The following SLC6A15 variants were observed in gnomAD, a reference collection of about 807,000 sequenced individuals.
SLC6A15 encodes sodium-dependent neutral amino acid transporter B(0)AT2.
SLC6A15 carries 33 observed loss-of-function variants against 68.5 expected under a neutral mutation model. That is an observed-to-expected ratio of 0.48 (90% CI 0.37 to 0.64). The LOEUF is 0.64. SLC6A15 is among the 30% of genes least tolerant of loss of function. The pLI is 0.00. For missense variants in SLC6A15, 747 were observed against 874.3 expected (o/e 0.85, Z 1.84); for synonymous variants, 347 against 301.0 (o/e 1.15, Z -1.58).
Position 84,863,520 on chromosome 12 carries a change from T to C in SLC6A15, c.1737A>G (p.Leu579=), listed in dbSNP as rs1870938422. 6.3e-7 allele frequency: 1 copy of C among 1,595,250 alleles called. No homozygotes were observed. Among genetic ancestry groups the C allele is most frequent in the African/African-American group, 1.4e-5 (1 of 73,690 alleles). ...YYYMWKYISP[L]MLLSLLIASV... is the part of the protein sequence containing the mutation. ...TAGCTATTAGCAATGATAATAGCAT[T>C]AGAGGAGAAATATATTTCCACATAT... Residue 579 remains leucine, a synonymous_variant, in exon 11 of 12, where the codon CTA becomes CTG. Coordinates refer to ENST00000266682, the MANE Select transcript of SLC6A15 (RefSeq NM_182767.6).
At chr12:84,866,967 G>T (rs1871091544) in intron 10 of SLC6A15, 67 bp downstream of exon 10, 5 of 1,305,426 alleles carry the variant, frequency 3.8e-6, no homozygotes, top group Non-Finnish European at 5.2e-6. Flanking sequence ...TAAATGAAAT[G>T]AACATTGATA....
At chr12:84,872,827 TAA>T (rs752022325) in intron 7 of SLC6A15, 33 bp from the exon 8 acceptor site, 13 of 1,529,958 alleles carry the variant, frequency 8.5e-6, no homozygotes, top group Non-Finnish European at 1.2e-5. Context: ...AATGAGCACA[TAA>T]GAGTTCTTTG....
chr12:84,890,962 ATAT>A (rs1872362079), intron 2 of SLC6A15, among the ~76,000 whole-genome samples: 2 of 152,182 alleles, frequency 1.3e-5, no homozygotes, highest in South Asian at 4.1e-4. Context: ...ATAAATAATA[ATAT>A]TTCATATACA....
At chr12:84,883,732 A>C (rs1423413018) in intron 5 of SLC6A15, 127 bp downstream of exon 5, 2 of 1,599,990 alleles carry the variant, frequency 1.3e-6, no homozygotes, top group Non-Finnish European at 1.7e-6. Flanking sequence ...ACTTTTCACT[A>C]ATATTTAACT....
At chr12:84,877,367 C>A (rs914596811) in intron 5 of SLC6A15, among the ~76,000 whole-genome samples, 4 of 152,254 alleles carry the variant, frequency 2.6e-5, no homozygotes, top group East Asian at 3.9e-4. Context: ...ATAATATTCT[C>A]CTAACTGAAT....
chr12:84,908,312 A>T (rs61929983), intron 1 of SLC6A15, among the ~76,000 whole-genome samples: 152,058 of 152,058 alleles, frequency 1, 76,029 homozygotes, highest in Non-Finnish European at 1. Flanking sequence ...GTATAATTAA[A>T]TAACTTTATT....
chr12:84,892,135 A>G lies in SLC6A15; in HGVS notation c.-15T>C. 1 of 1,469,812 alleles carries G rather than the reference A, an allele frequency of 6.8e-7. No individual in the cohort carries two copies. Among genetic ancestry groups the G allele is most frequent in the Non-Finnish European group, 9.0e-7 (1 of 1,111,560 alleles). 91.0% of individuals were successfully genotyped at this position (1,469,812 alleles called of 1,614,324 possible). On this transcript the variant is annotated 5_prime_UTR_variant, in exon 2 of 12. Transcript: ENST00000266682. ...TTTTTGGGCATTGGAGAGTATGCGA[A>G]GTATTTAAAAAAAAAAAAAAAAACT...
intron 1 of SLC6A15, among the ~76,000 whole-genome samples, chr12:84,906,763 A>G (rs1409539815): frequency 6.6e-6 from 1 of 152,228 alleles, no homozygotes; most frequent in African/African-American, 2.4e-5. Context: ...TAAATCTCAT[A>G]TCTTATACAA....
At chr12:84,908,906 T>TA (rs539261591) in intron 1 of SLC6A15, among the ~76,000 whole-genome samples, 288 of 152,190 alleles carry the variant, frequency 1.9e-3, no homozygotes, top group African/African-American at 6.7e-3. Context: ...TAGCTTCATT[T>TA]AAAAAACTAC....
chr12:84,907,739 A>G (rs1873234707), intron 1 of SLC6A15, among the ~76,000 whole-genome samples: 1 of 152,218 alleles, frequency 6.6e-6, no homozygotes, highest in South Asian at 2.1e-4. Context: ...AGAAAAGCCT[A>G]TGCAGGAATG....
At chr12:84,906,067 A>G (rs961922134) in intron 1 of SLC6A15, among the ~76,000 whole-genome samples, 6 of 152,230 alleles carry the variant, frequency 3.9e-5, no homozygotes, top group Admixed American at 1.3e-4. Context: ...TGAATCTACA[A>G]AAATACCTTC....
At chr12:84,875,814 A>G (rs1871510913) in intron 6 of SLC6A15, among the ~76,000 whole-genome samples, 1 of 150,744 alleles carries the variant, frequency 6.6e-6, no homozygotes, top group Non-Finnish European at 1.5e-5. Flanking sequence ...ACAAAGTTGC[A>G]TGATGGATTA....
chr12:84,888,856 T>C (rs1272973795), intron 2 of SLC6A15, among the ~76,000 whole-genome samples: 1 of 152,188 alleles, frequency 6.6e-6, no homozygotes, highest in Admixed American at 6.5e-5. Context: ...CTTCCTGGCC[T>C]TTTTCTTTAC....
chr12:84,911,171 C>T (rs1229239732), intron 1 of SLC6A15, among the ~76,000 whole-genome samples: 1 of 152,148 alleles, frequency 6.6e-6, no homozygotes, highest in Admixed American at 6.5e-5. Flanking sequence ...AAAACAAACA[C>T]TTTGTTGCTG....
chr12:84,907,010 T>G (rs578259704), intron 1 of SLC6A15, among the ~76,000 whole-genome samples: 20 of 152,084 alleles, frequency 1.3e-4, no homozygotes, highest in Non-Finnish European at 2.1e-4. Context: ...AGAATATATT[T>G]GAAGGTCACA....
At chr12:84,909,527 T>C (rs958758869) in intron 1 of SLC6A15, among the ~76,000 whole-genome samples, 2 of 152,162 alleles carry the variant, frequency 1.3e-5, no homozygotes, top group Non-Finnish European at 2.9e-5. Context: ...ATAAGCAAAG[T>C]AGAAATAAAT....
intron 4 of SLC6A15, among the ~76,000 whole-genome samples, chr12:84,884,284 T>A (rs1330690329): frequency 6.6e-6 from 1 of 152,042 alleles, no homozygotes; most frequent in Non-Finnish European, 1.5e-5. Context: ...TCAAAGTAAT[T>A]TTTATTTATT....
intron 2 of SLC6A15, among the ~76,000 whole-genome samples, chr12:84,888,766 A>C (rs1872241018): frequency 2.6e-5 from 4 of 152,160 alleles, no homozygotes; most frequent in Admixed American, 2.6e-4. Context: ...CTATTGAAAT[A>C]ATTTTTCTTT....
chr12:84,891,726 G>A (rs1565729472), intron 2 of SLC6A15, 106 bp downstream of exon 2: 1 of 1,191,536 alleles, frequency 8.4e-7, no homozygotes, highest in Non-Finnish European at 1.2e-6. Context: ...GCTTTACAAT[G>A]AAATTGAAAG....
Sources: gnomAD v4.1 joint callset for allele counts (sites outside exome capture counted in the v4.1 genomes callset) on GRCh38, gnomAD v4.1.1 for gene constraint, MANE v1.5 for transcripts, NCBI Gene and HGNC (gene_info 2026-07-23, HGNC 2026-07-21) for gene names.